Variants in CCDC7 observed in about 807,000 individuals in gnomAD.
CCDC7 encodes coiled-coil domain-containing protein 7.
CCDC7 carries 183 observed loss-of-function variants against 196.9 expected under a neutral mutation model. The observed-to-expected ratio is 0.93, with a 90% CI of 0.82 to 1.05. CCDC7 has a LOEUF of 1.05. Ranked by LOEUF, CCDC7 falls within the 50% of genes least tolerant of loss-of-function variation. The pLI is 0.00. For missense variants in CCDC7, 1,540 were observed against 1,482.2 expected, an observed-to-expected ratio of 1.04 and a Z score of -0.64; for synonymous variants, 525 against 484.6, an observed-to-expected ratio of 1.08 and a Z score of -1.10.
chr10:32,563,291 A>G lies in CCDC7; in HGVS notation c.1135-2267A>G, dbSNP rs575026371. Reference sequence around the variant, plus strand: ...CAATGACTTTCTTCACAGAATTGGAAAAAACTACTTTAAAGTTCATATGGA... The same window carrying G: ...CAATGACTTTCTTCACAGAATTGGAGAAAACTACTTTAAAGTTCATATGGA... On this transcript the variant is annotated intron_variant, in intron 13 of 41. Coordinates refer to ENST00000639629, the Ensembl canonical transcript of CCDC7. Among the ~76,000 whole-genome samples, 584 of 152,298 alleles carry G rather than the reference A, an allele frequency of 3.8e-3. 5 individuals are homozygous for G. The highest frequency in any genetic ancestry group is 0.013 in the African/African-American group (556 of 41,546).
intron 20 of CCDC7, among the ~76,000 whole-genome samples, chr10:32,657,891 T>C (rs1053305879): frequency 1.3e-5 from 2 of 152,196 alleles, no homozygotes; most frequent in Non-Finnish European, 2.9e-5. Flanking sequence ...CCAGATACCA[T>C]AAATCATCTC....
chr10:32,842,643 A>C (rs1431190139), intron 33 of CCDC7, among the ~76,000 whole-genome samples: 2 of 152,050 alleles, frequency 1.3e-5, no homozygotes, highest in African/African-American at 4.8e-5. Context: ...ACTTGCACAC[A>C]TATGTTTATA....
intron 22 of CCDC7, among the ~76,000 whole-genome samples, chr10:32,688,007 C>T (rs75871215): frequency 0.083 from 12,600 of 152,070 alleles, 568 homozygotes; most frequent in East Asian, 0.16. Flanking sequence ...CATGAGTGGG[C>T]CAAACTTTCA....
intron 6 of CCDC7, 78 bp from the exon 8 acceptor site, chr10:32,472,403 A>G (rs2038128144): frequency 1.1e-5 from 14 of 1,309,612 alleles, no homozygotes; most frequent in Non-Finnish European, 1.3e-5. Context: ...TGGACTTCAC[A>G]TTTTAGTTAT....
chr10:32,696,321 A>T (rs2077719242), intron 24 of CCDC7, among the ~76,000 whole-genome samples: 1 of 152,088 alleles, frequency 6.6e-6, no homozygotes, highest in African/African-American at 2.4e-5. Flanking sequence ...CCTCATTCTC[A>T]TGCCAGGGAT....
chr10:32,877,501 G>T (rs954931046), downstream of CCDC7, among the ~76,000 whole-genome samples: 11 of 152,082 alleles, frequency 7.2e-5, no homozygotes, highest in African/African-American at 2.6e-4. Context: ...GTGTAGTATG[G>T]AAGACTACCT....
At chr10:32,747,684 G>A (rs1737116020) in intron 28 of CCDC7, among the ~76,000 whole-genome samples, 1 of 152,120 alleles carries the variant, frequency 6.6e-6, no homozygotes, top group African/African-American at 2.4e-5. Flanking sequence ...CAGTCAGAAT[G>A]GCCATTGTTA....
intron 28 of CCDC7, among the ~76,000 whole-genome samples, chr10:32,749,121 A>G (rs868534016): frequency 2.0e-5 from 3 of 152,140 alleles, no homozygotes; most frequent in Non-Finnish European, 4.4e-5. Flanking sequence ...GTGATTCCCT[A>G]TCTTTACCTG....
At chr10:32,667,565 C>A (rs1262710098) in intron 21 of CCDC7, among the ~76,000 whole-genome samples, 2 of 152,078 alleles carry the variant, frequency 1.3e-5, no homozygotes, top group African/African-American at 2.4e-5. Flanking sequence ...AGGAAGGGAT[C>A]CAGTTTCAGC....
At chr10:32,618,138 T>C (rs2062978870) in intron 18 of CCDC7, among the ~76,000 whole-genome samples, 1 of 151,960 alleles carries the variant, frequency 6.6e-6, no homozygotes, top group Non-Finnish European at 1.5e-5. Context: ...ATAGGTAAGG[T>C]GAGTTTCTTA....
At chr10:32,871,887 C>T (rs1342827948) in intron 41 of CCDC7, among the ~76,000 whole-genome samples, 1 of 152,138 alleles carries the variant, frequency 6.6e-6, no homozygotes, top group Non-Finnish European at 1.5e-5. Flanking sequence ...GCAGGTTGTT[C>T]AGTTTCCATG....
At chr10:32,679,234 G>T (rs2075490342) in intron 21 of CCDC7, among the ~76,000 whole-genome samples, 1 of 152,144 alleles carries the variant, frequency 6.6e-6, no homozygotes, top group African/African-American at 2.4e-5. Flanking sequence ...CTCTTAAAGG[G>T]TATATACTTT....
At chr10:32,565,028 C>T (rs1456939553) in intron 13 of CCDC7, among the ~76,000 whole-genome samples, 3 of 152,080 alleles carry the variant, frequency 2.0e-5, no homozygotes, top group Admixed American at 1.3e-4. Flanking sequence ...TGATTGTTCT[C>T]CTATTGTTGA....
intron 18 of CCDC7, among the ~76,000 whole-genome samples, chr10:32,609,957 A>C (rs2061923100): frequency 1.3e-5 from 2 of 152,136 alleles, no homozygotes; most frequent in Non-Finnish European, 2.9e-5. Context: ...TATGCTGAAC[A>C]AAGAGATGTT....
At chr10:32,851,021 C>A (rs1447041452) in intron 39 of CCDC7, among the ~76,000 whole-genome samples, 1 of 152,044 alleles carries the variant, frequency 6.6e-6, no homozygotes, top group Non-Finnish European at 1.5e-5. Context: ...TTGGAGGATA[C>A]CAGAATGGAA....
At chr10:32,782,939 A>G (rs1281097027) in intron 29 of CCDC7, among the ~76,000 whole-genome samples, 1 of 152,244 alleles carries the variant, frequency 6.6e-6, no homozygotes, top group Non-Finnish European at 1.5e-5. Context: ...ACAAAAAGAC[A>G]GTCTTTTCCA....
intron 41 of CCDC7, among the ~76,000 whole-genome samples, chr10:32,873,619 C>T (rs113853537): frequency 1.6e-4 from 25 of 151,834 alleles, no homozygotes; most frequent in African/African-American, 5.8e-4. Flanking sequence ...TTTGTTTATC[C>T]GCTCACCAGT....
intron 9 of CCDC7, chr10:32,511,261 C>A: frequency 5.3e-6 from 2 of 380,450 alleles, no homozygotes; most frequent in South Asian, 3.1e-5. Flanking sequence ...CTGTGGGGGG[C>A]GGGGGGGGCG....
intron 28 of CCDC7, among the ~76,000 whole-genome samples, chr10:32,754,704 G>A (rs1004443206): frequency 6.6e-6 from 1 of 152,140 alleles, no homozygotes; most frequent in Non-Finnish European, 1.5e-5. Context: ...CCCAGCATGA[G>A]CAACGCAGAA....
Sources: allele counts gnomAD v4.1 joint callset (sites outside exome capture counted in the v4.1 genomes callset), GRCh38; gene constraint gnomAD v4.1.1; transcripts MANE v1.5; gene names NCBI Gene and HGNC (gene_info 2026-07-23, HGNC 2026-07-21).